The following RBFOX1 variants were observed in gnomAD, a reference collection of about 807,000 sequenced individuals.
RBFOX1 encodes the protein RNA binding fox-1 homolog 1.
In RBFOX1, 8 loss-of-function variants were observed where a neutral mutation model predicts 57.7. The ratio of observed to expected loss-of-function variants is 0.14; its 90% CI spans 0.08 to 0.25. The LOEUF (loss-of-function observed/expected upper bound fraction) is 0.25. Among genes scored for constraint, RBFOX1 ranks in the 10% least tolerant of loss-of-function variants. The pLI, the probability that RBFOX1 is intolerant of heterozygous loss-of-function variation, is 1.00. For missense variants in RBFOX1, 611 were observed against 548.5 expected (o/e 1.11, Z -1.14); for synonymous variants, 326 against 222.4 (o/e 1.47, Z -4.15).
chr16:6,492,907 G>A (rs142668692), intron 2 of RBFOX1, among the ~76,000 whole-genome samples: 389 of 152,328 alleles, frequency 2.6e-3, no homozygotes, highest in Non-Finnish European at 4.0e-3. Flanking sequence ...GGGCAATACT[G>A]CAAAAGATAA....
intron 1 of RBFOX1, among the ~76,000 whole-genome samples, chr16:5,367,648 C>G (rs533212774): frequency 1.3e-5 from 2 of 152,350 alleles, no homozygotes; most frequent in African/African-American, 4.8e-5. Flanking sequence ...AATGCCTGCT[C>G]TGTGCCAAGA....
rs558126666 is a variant in RBFOX1 at position 7,267,914 on chromosome 16, T to A, written c.27+215816T>A. On this transcript the variant is annotated intron_variant, in intron 4 of 15. Coordinates refer to ENST00000550418, the MANE Select transcript of RBFOX1 (RefSeq NM_018723.4). ...TTTTGTTGAGTCAGAAGCACTTCAG[T>A]ACAGTCATGCAGCACTTAATGGCAG... Among the ~76,000 whole-genome samples the A allele has an allele frequency of 7.9e-3, 1,210 of 152,268 alleles. 4 individuals carry two copies. The highest frequency in any genetic ancestry group is 0.013 in the Non-Finnish European group (900 of 68,014).
At chr16:6,957,016 G>C (rs373422916) in intron 3 of RBFOX1, among the ~76,000 whole-genome samples, 1 of 151,634 alleles carries the variant, frequency 6.6e-6, no homozygotes, top group Non-Finnish European at 1.5e-5. Context: ...ATTAAGAAAG[G>C]AAAGAAATAA....
chr16:5,595,383 C>T (rs2047148458), intron 2 of RBFOX1, among the ~76,000 whole-genome samples: 1 of 152,126 alleles, frequency 6.6e-6, no homozygotes, highest in African/African-American at 2.4e-5. Flanking sequence ...CTTTTGAAAG[C>T]TGTAAACTGA....
intron 10 of RBFOX1, among the ~76,000 whole-genome samples, chr16:7,628,382 A>G (rs2060409212): frequency 6.6e-6 from 1 of 152,170 alleles, no homozygotes; most frequent in African/African-American, 2.4e-5. Flanking sequence ...GCAGAAGCAC[A>G]TAGATAACCG....
chr16:6,801,356 T>C (rs976920423), intron 3 of RBFOX1, among the ~76,000 whole-genome samples: 1 of 152,184 alleles, frequency 6.6e-6, no homozygotes, highest in African/African-American at 2.4e-5. Flanking sequence ...GTCAGGCTTA[T>C]GTATTTAAGG....
chr16:7,238,921 C>T (rs954349824), intron 4 of RBFOX1, among the ~76,000 whole-genome samples: 4 of 152,222 alleles, frequency 2.6e-5, no homozygotes, highest in African/African-American at 9.6e-5. Flanking sequence ...TGTTAGTTTG[C>T]TGAGAATGAG....
intron 14 of RBFOX1, among the ~76,000 whole-genome samples, chr16:7,677,303 C>T (rs572492787): frequency 1.3e-5 from 2 of 152,138 alleles, no homozygotes; most frequent in African/African-American, 2.4e-5. Flanking sequence ...ATAAATCATT[C>T]CCTCCATTGC....
intron 3 of RBFOX1, among the ~76,000 whole-genome samples, chr16:6,936,502 A>T (rs2077384588): frequency 6.6e-6 from 1 of 152,130 alleles, no homozygotes; most frequent in Admixed American, 6.5e-5. Flanking sequence ...TTGACTCCCG[A>T]CTATGTATCC....
intron 4 of RBFOX1, among the ~76,000 whole-genome samples, chr16:7,435,083 A>T (rs1403489092): frequency 6.6e-6 from 1 of 152,166 alleles, no homozygotes; most frequent in Non-Finnish European, 1.5e-5. Flanking sequence ...ATATTGATAC[A>T]TTATTGTTAA....
chr16:6,948,477 G>C (rs1340071849), intron 3 of RBFOX1, among the ~76,000 whole-genome samples: 1 of 132,310 alleles, frequency 7.6e-6, no homozygotes, highest in African/African-American at 2.9e-5. Flanking sequence ...TTGCCTCCTT[G>C]GTTCAAGCGA....
intron 4 of RBFOX1, among the ~76,000 whole-genome samples, chr16:7,065,214 C>G (rs540240113): frequency 2.0e-5 from 3 of 152,300 alleles, no homozygotes; most frequent in Non-Finnish European, 2.9e-5. Flanking sequence ...TTTAGTGCCC[C>G]TAGCTTACTT....
Position 5,243,388 on chromosome 16 carries a change from G to T in RBFOX1, c.219+3283G>T, listed in dbSNP as rs1816200023. ...ATCAGGAAGGTTGTTGTCAGCCTGG[G>T]GCTCCTGTAGAGGAGCATCCGCGTT... On this transcript the variant is annotated intron_variant, in intron 1 of 2. Transcript: ENST00000585867. Among the ~76,000 whole-genome samples the T allele has an allele frequency of 2.0e-5, 3 of 152,124 alleles. No homozygotes were observed. In the South Asian group the frequency reaches 6.2e-4, roughly 31 times the overall value.
chr16:7,633,167 G>A (rs756912916), intron 11 of RBFOX1, among the ~76,000 whole-genome samples: 3 of 152,146 alleles, frequency 2.0e-5, no homozygotes, highest in Non-Finnish European at 4.4e-5. Flanking sequence ...AGAGACCAAG[G>A]TGGCCTGCAA....
intron 3 of RBFOX1, among the ~76,000 whole-genome samples, chr16:6,892,253 T>G (rs2065625690): frequency 6.6e-6 from 1 of 152,170 alleles, no homozygotes; most frequent in South Asian, 2.1e-4. Flanking sequence ...TTTTTGACAG[T>G]AACACTTTGT....
At chr16:5,657,749 T>C (rs1357952741) in intron 3 of RBFOX1, among the ~76,000 whole-genome samples, 2 of 146,248 alleles carry the variant, frequency 1.4e-5, no homozygotes, top group Non-Finnish European at 3.0e-5. Context: ...TTTTTTTTTT[T>C]TGAGACAGAA....
At chr16:5,523,561 G>A (rs1455600345) in intron 2 of RBFOX1, among the ~76,000 whole-genome samples, 3 of 152,200 alleles carry the variant, frequency 2.0e-5, no homozygotes, top group Admixed American at 1.3e-4. Flanking sequence ...AGACTGCAGT[G>A]AGCCACGAAC....
chr16:7,124,873 C>A (rs11077139), intron 4 of RBFOX1, among the ~76,000 whole-genome samples: 1 of 151,780 alleles, frequency 6.6e-6, no homozygotes, highest in Non-Finnish European at 1.5e-5. Flanking sequence ...GTATTCCTGA[C>A]AAATAAATAT....
In RBFOX1 at chr16:5,839,303, C is replaced by G. The variant is rs139690704; in HGVS notation, c.319-28000C>G. Among the ~76,000 whole-genome samples, 510 of 152,240 alleles carry G rather than the reference C, an allele frequency of 3.3e-3. 1 individual carries two copies. The highest frequency in any genetic ancestry group is 5.6e-3 in the Non-Finnish European group (379 of 68,010). On this transcript the variant is annotated intron_variant, in intron 3 of 19. Transcript: ENST00000641259. ...ATCACAGCAAATCAGAACCAGAAAT[C>G]TCATATTTCTGTTAGTCTCTAACTG...
Sources: allele counts gnomAD v4.1 joint callset (sites outside exome capture counted in the v4.1 genomes callset), GRCh38; gene constraint gnomAD v4.1.1; transcripts MANE v1.5; gene names NCBI Gene and HGNC (gene_info 2026-07-23, HGNC 2026-07-21).